NBAS: variants seen among roughly 807,000 people sequenced by gnomAD.
NBAS encodes the protein NAG/BC035112 fusion.
NBAS carries 219 observed loss-of-function variants against 302.5 expected under a neutral mutation model. The ratio of observed to expected loss-of-function variants is 0.72; its 90% CI spans 0.65 to 0.81. NBAS has a LOEUF of 0.81. NBAS is among the 30% of genes least tolerant of loss of function. The pLI, the probability that NBAS is intolerant of heterozygous loss-of-function variation, is 0.00. For missense variants in NBAS, 2,932 were observed against 2,841.6 expected (o/e 1.03, Z -0.72); for synonymous variants, 1,118 against 1,021.6 (o/e 1.09, Z -1.80).
At chr2:14,875,576 A>G in the NBAS span, among the ~76,000 whole-genome samples, 1 of 152,200 alleles carries the variant, frequency 6.6e-6, no homozygotes, top group African/African-American at 2.4e-5. Flanking sequence ...AGATCACACC[A>G]CTGCACTCCA....
At chr2:15,152,073 C>A in the NBAS span, among the ~76,000 whole-genome samples, 1 of 152,140 alleles carries the variant, frequency 6.6e-6, no homozygotes, top group Non-Finnish European at 1.5e-5. Flanking sequence ...TGGTTTTGAA[C>A]TCCTGACCTC....
chr2:15,070,700 G>A, the NBAS span, among the ~76,000 whole-genome samples: 1 of 152,098 alleles, frequency 6.6e-6, no homozygotes, highest in Non-Finnish European at 1.5e-5. Context: ...ACACCAGGGT[G>A]TGCACTTGTC....
the NBAS span, among the ~76,000 whole-genome samples, chr2:14,863,961 T>C: frequency 6.6e-6 from 1 of 152,272 alleles, no homozygotes; most frequent in East Asian, 1.9e-4. Flanking sequence ...CAAAAGCTAA[T>C]TTTCTACAAA....
At chr2:14,855,850 C>T in the NBAS span, among the ~76,000 whole-genome samples, 1,928 of 152,296 alleles carry the variant, frequency 0.013, 48 homozygotes, top group African/African-American at 0.044. Context: ...GACCTCACCA[C>T]CCTAAAGGAA....
chr2:15,098,695 T>C, the NBAS span, among the ~76,000 whole-genome samples: 398 of 131,878 alleles, frequency 3.0e-3, 2 homozygotes, highest in African/African-American at 0.011. Flanking sequence ...ATATTGTATA[T>C]AATATATTAT....
intron 8 of NBAS, among the ~76,000 whole-genome samples, chr2:15,535,444 C>A (rs1663448164): frequency 6.6e-6 from 1 of 151,778 alleles, no homozygotes; most frequent in Non-Finnish European, 1.5e-5. Context: ...ATGGCATGAA[C>A]CCGGGAGGCA....
chr2:15,109,455 A>G, the NBAS span, among the ~76,000 whole-genome samples: 1 of 152,146 alleles, frequency 6.6e-6, no homozygotes, highest in Admixed American at 6.5e-5. Flanking sequence ...ATTATATCCA[A>G]AAGTGCTATG....
intron 6 of NBAS, among the ~76,000 whole-genome samples, chr2:15,543,522 AAG>A (rs1224525488): frequency 6.6e-6 from 1 of 152,110 alleles, no homozygotes; most frequent in African/African-American, 2.4e-5. Flanking sequence ...TTACAAAAGA[AAG>A]AGGTTTAATT....
the NBAS span, among the ~76,000 whole-genome samples, chr2:14,977,191 A>G: frequency 6.6e-6 from 1 of 152,218 alleles, no homozygotes; most frequent in African/African-American, 2.4e-5. Context: ...TTAGATATGC[A>G]AAGGAGCAAG....
chr2:15,128,220 A>C, the NBAS span, among the ~76,000 whole-genome samples: 1 of 152,238 alleles, frequency 6.6e-6, no homozygotes, highest in Non-Finnish European at 1.5e-5. Flanking sequence ...GCCTGAACTA[A>C]GTACTGCCTT....
In NBAS at chr2:15,468,581, T is replaced by C. The variant is rs57866666; in HGVS notation, c.1726-48A>G. 0.012 allele frequency: 18,594 copies of C among 1,571,436 alleles called. 1,021 individuals carry two copies. The African/African-American group carries it at 0.14, about 12-fold the overall frequency. On this transcript the variant is annotated intron_variant, in intron 16 of 51. Coordinates refer to ENST00000281513, the MANE Select transcript of NBAS (RefSeq NM_015909.4). ...AGGAATTACAGAATCCATGACATCTTACAACACATTACAACTGCCTTCAGA... is the reference window on the plus strand; with the variant it reads ...AGGAATTACAGAATCCATGACATCTCACAACACATTACAACTGCCTTCAGA...
chr2:14,808,515 G>C, the NBAS span, among the ~76,000 whole-genome samples: 1 of 152,150 alleles, frequency 6.6e-6, no homozygotes, highest in East Asian at 1.9e-4. Flanking sequence ...TTAAAAAGGG[G>C]AGTTTCCCTG....
chr2:15,011,025 G>A, the NBAS span, among the ~76,000 whole-genome samples: 1 of 152,100 alleles, frequency 6.6e-6, no homozygotes, highest in African/African-American at 2.4e-5. Flanking sequence ...TTGTTTTATT[G>A]TTGTTGCTAT....
At chr2:14,799,993 T>A in the NBAS span, among the ~76,000 whole-genome samples, 1 of 152,230 alleles carries the variant, frequency 6.6e-6, no homozygotes, top group African/African-American at 2.4e-5. Context: ...TTCAGGTTTT[T>A]AAATCCAATC....
the NBAS span, among the ~76,000 whole-genome samples, chr2:14,933,223 C>G: frequency 1.3e-5 from 2 of 152,180 alleles, no homozygotes; most frequent in Non-Finnish European, 2.9e-5. Context: ...GACCAATGTT[C>G]TTTTCATTCA....
At chr2:15,099,302 G>C in the NBAS span, among the ~76,000 whole-genome samples, 90,324 of 151,630 alleles carry the variant, frequency 0.6, 27,913 homozygotes, top group Admixed American at 0.71. Context: ...TCTCCTCCCC[G>C]CCGACCCCCA....
the NBAS span, among the ~76,000 whole-genome samples, chr2:15,126,102 C>T: frequency 6.6e-6 from 1 of 152,108 alleles, no homozygotes; most frequent in Non-Finnish European, 1.5e-5. Context: ...AATGACTTAG[C>T]ACCATTCCCT....
chr2:15,036,285 A>T, the NBAS span, among the ~76,000 whole-genome samples: 1 of 152,204 alleles, frequency 6.6e-6, no homozygotes, highest in Admixed American at 6.5e-5. Context: ...AATACTAGTA[A>T]GTATTTTTAT....
chr2:14,986,231 A>G, the NBAS span, among the ~76,000 whole-genome samples: 19 of 112,448 alleles, frequency 1.7e-4, no homozygotes, highest in African/African-American at 5.2e-4. Context: ...TAATTGGGGA[A>G]AAAAAAAAAC....
Sources: allele counts gnomAD v4.1 joint callset (sites outside exome capture counted in the v4.1 genomes callset), GRCh38; gene constraint gnomAD v4.1.1; transcripts MANE v1.5; gene names NCBI Gene and HGNC (gene_info 2026-07-23, HGNC 2026-07-21).